The following PCDHGB7 variants were observed in gnomAD, a reference collection of about 807,000 sequenced individuals.
PCDHGB7 encodes protocadherin gamma subfamily B, 7.
In PCDHGB7, 37 loss-of-function variants were observed where a neutral mutation model predicts 61.4. The observed-to-expected ratio is 0.60, with a 90% CI of 0.46 to 0.79. The LOEUF (loss-of-function observed/expected upper bound fraction) is 0.79. Ranked by LOEUF, PCDHGB7 falls within the 30% of genes least tolerant of loss-of-function variation. The probability of loss-of-function intolerance (pLI) is 0.00; values close to 1 mark genes in which losing one functional copy is unlikely to be tolerated. For synonymous variants in PCDHGB7, 464 were observed against 503.5 expected, an observed-to-expected ratio of 0.92 and a Z score of 1.05; for missense variants, 1,166 against 1,202.5, an observed-to-expected ratio of 0.97 and a Z score of 0.45.
chr5:141,486,416 C>T lies in PCDHGB7; in HGVS notation c.2416-8391C>T, dbSNP rs2154580601. The T allele has an allele frequency of 6.2e-7, 1 of 1,614,152 alleles. No individual in the cohort carries two copies. The highest frequency in any genetic ancestry group is 8.5e-7 in the Non-Finnish European group (1 of 1,180,016). On this transcript the variant is annotated intron_variant, in intron 1 of 3. Coordinates refer to ENST00000398594, the MANE Select transcript of PCDHGB7 (RefSeq NM_018927.4). This position sits in a 1 kb window ranked among gnomAD's most constrained non-coding sequence, Gnocchi z 5.0. ...CCTGGTGACTGCTGGACCCTTGGAT[C>T]GAGAGGCCAAATCTAGCTATGACAT...
rs11952292 is a variant in PCDHGB7 at position 141,491,682 on chromosome 5, G to T, written c.2416-3125G>T. The T allele has an allele frequency of 0.072, 115,891 of 1,613,112 alleles. 4,572 individuals carry two copies. The highest frequency in any genetic ancestry group is 0.11 in the South Asian group (9,996 of 91,042). ...ACGCCATCCGGTCCCGCTCTAATAC[G>T]CTGCGGGAGCGGAGCCAGGTGAGGG... On this transcript the variant is annotated intron_variant, in intron 1 of 3. Coordinates refer to ENST00000398594, the MANE Select transcript of PCDHGB7 (RefSeq NM_018927.4). The surrounding 1 kb of genome is among the most constrained non-coding windows in gnomAD (Gnocchi z 6.9).
chr5:141,463,125 G>A (rs2099053159), intron 1 of PCDHGB7, among the ~76,000 whole-genome samples: 3 of 152,192 alleles, frequency 2.0e-5, no homozygotes, highest in East Asian at 1.9e-4. Context: ...ATAGCTCCCT[G>A]GCAGTTCTTC....
chr5:141,426,465 T>C, intron 1 of PCDHGB7: 1 of 315,366 alleles, frequency 3.2e-6, no homozygotes, highest in African/African-American at 2.2e-5. Context: ...ATGTTCAGGA[T>C]TTATTGACCT....
At chr5:141,438,720 G>A (rs1393152221) in intron 1 of PCDHGB7, among the ~76,000 whole-genome samples, 1 of 147,892 alleles carries the variant, frequency 6.8e-6, no homozygotes, top group Non-Finnish European at 1.5e-5. Flanking sequence ...GAGTGCAAGT[G>A]GTGTGATCTC....
chr5:141,511,632 G>A lies in PCDHGB7; in HGVS notation c.*459G>A, dbSNP rs1388627906. The A allele has an allele frequency of 8.6e-6, 2 of 231,934 alleles. No homozygotes were observed. The highest frequency in any genetic ancestry group is 5.1e-5 in the Admixed American group (1 of 19,634). 14.4% of individuals were successfully genotyped at this position (231,934 alleles called of 1,614,324 possible). A position where few individuals can be genotyped will look rare whatever the true frequency, so the allele number is the denominator to read the frequency against. On this transcript the variant is annotated 3_prime_UTR_variant, in exon 4 of 4. Transcript: ENST00000398594. ...CCTCCTAGTTCTGAAAAGTTGGAAG[G>A]GCATCATGACCTCTTGGCCTCTCCT...
chr5:141,481,317 C>T (rs2099535550), intron 1 of PCDHGB7, among the ~76,000 whole-genome samples: 1 of 152,182 alleles, frequency 6.6e-6, no homozygotes, highest in African/African-American at 2.4e-5. Context: ...CTTCCTAAAG[C>T]ACTAGCCCCT....
At chr5:141,468,853 G>C (rs893773356) in intron 1 of PCDHGB7, among the ~76,000 whole-genome samples, 5 of 150,898 alleles carry the variant, frequency 3.3e-5, no homozygotes, top group Non-Finnish European at 7.4e-5. Flanking sequence ...GCAACAGAGC[G>C]AGACTCCATC....
intron 3 of PCDHGB7, among the ~76,000 whole-genome samples, chr5:141,509,732 C>T (rs931066969): frequency 3.9e-5 from 6 of 152,182 alleles, no homozygotes; most frequent in Non-Finnish European, 5.9e-5. Flanking sequence ...CTAGCTGTGG[C>T]ACTCTGAGCC....
rs1185938270 is a variant in PCDHGB7 at position 141,419,357 on chromosome 5, AC to A, written c.1499del (p.Thr500SerfsTer8). ...CATTGCCAGCGACCTGGAGTCACGA[AC>A]GCTGTCGTCCTACGTGTCCGTGAGC... ...SLIASDLESR[T>X]LSSYVSVSAQ... On this transcript the variant is annotated frameshift_variant, in exon 1 of 4. Coordinates refer to ENST00000398594, the MANE Select transcript of PCDHGB7 (RefSeq NM_018927.4). LOFTEE classifies it high-confidence loss of function. 6 of 1,613,814 alleles carry A rather than the reference AC, an allele frequency of 3.7e-6. No homozygotes were observed. Among genetic ancestry groups the A allele is most frequent in the Non-Finnish European group, 4.2e-6 (5 of 1,179,894 alleles).
chr5:141,466,148 G>A (rs1201643685), intron 1 of PCDHGB7, among the ~76,000 whole-genome samples: 1 of 151,814 alleles, frequency 6.6e-6, no homozygotes, highest in Non-Finnish European at 1.5e-5. Flanking sequence ...GAAAACTCTG[G>A]TCTTAAACTG....
intron 1 of PCDHGB7, among the ~76,000 whole-genome samples, chr5:141,466,863 C>A (rs1409042461): frequency 1.3e-5 from 2 of 152,070 alleles, no homozygotes; most frequent in African/African-American, 4.8e-5. Context: ...ATTTTGAAAT[C>A]CACACATTTT....
At chr5:141,454,316 A>G (rs887472165) in intron 1 of PCDHGB7, among the ~76,000 whole-genome samples, 4 of 152,188 alleles carry the variant, frequency 2.6e-5, no homozygotes, top group Non-Finnish European at 4.4e-5. Context: ...AAGCATTGAA[A>G]CCTCCAAGAA....
At chr5:141,447,313 T>C (rs2098534296) in intron 1 of PCDHGB7, among the ~76,000 whole-genome samples, 1 of 152,146 alleles carries the variant, frequency 6.6e-6, no homozygotes, top group African/African-American at 2.4e-5. Context: ...CTAATTTTTG[T>C]ATTTTTAGTA....
At chr5:141,427,969 A>G (rs1239461810) in intron 1 of PCDHGB7, 1 of 1,591,942 alleles carries the variant, frequency 6.3e-7, no homozygotes, top group Admixed American at 1.7e-5. Context: ...CGGGTGCTGT[A>G]CCCCGCGCTG....
In PCDHGB7 at chr5:141,459,764, A is replaced by G. The variant is rs980972909; in HGVS notation, c.2416-35043A>G. On this transcript the variant is annotated intron_variant, in intron 1 of 3. Transcript: ENST00000398594. ...TTTTAGCAATTCTAGTGGGTGTGTG[A>G]TACTATCTCATTGAAGTTTCAACTG... Among the ~76,000 whole-genome samples, 56 of 152,208 alleles carry G rather than the reference A, an allele frequency of 3.7e-4. 1 individual carries two copies. Among genetic ancestry groups the G allele is most frequent in the Admixed American group, 6.5e-5 (1 of 15,274 alleles).
intron 1 of PCDHGB7, among the ~76,000 whole-genome samples, chr5:141,481,259 C>T (rs1176419744): frequency 1.3e-5 from 2 of 152,146 alleles, no homozygotes; most frequent in African/African-American, 4.8e-5. Context: ...TCTAAAAGAT[C>T]ACTGTAGGAA....
At chr5:141,488,259 C>T (rs1594750656) in intron 1 of PCDHGB7, among the ~76,000 whole-genome samples, 1 of 152,144 alleles carries the variant, frequency 6.6e-6, no homozygotes, top group African/African-American at 2.4e-5. Context: ...AAGGTTGGGG[C>T]GGGTTGGTCA....
At position 141,431,213 on chromosome 5, in the gene PCDHGB7, T is replaced by A; in HGVS notation, c.2415+10939T>A. 6.2e-7 allele frequency: 1 copy of A among 1,614,142 alleles called. No individual in the cohort carries two copies. The highest frequency in any genetic ancestry group is 8.5e-7 in the Non-Finnish European group (1 of 1,180,038). On this transcript the variant is annotated intron_variant, in intron 1 of 3. Coordinates refer to ENST00000398594, the MANE Select transcript of PCDHGB7 (RefSeq NM_018927.4). The surrounding 1 kb of genome is among the most constrained non-coding windows in gnomAD (Gnocchi z 4.8). ...TGAAAATGCAGCCACTGAGATGCGG[T>A]TCCCTCTACCCCACGCCTGGGATCC...
At position 141,489,437 on chromosome 5, in the gene PCDHGB7, T is replaced by C; in HGVS notation, c.2416-5370T>C. The C allele has an allele frequency of 6.2e-7, 1 of 1,614,110 alleles. No individual in the cohort carries two copies. Among genetic ancestry groups the C allele is most frequent in the Non-Finnish European group, 8.5e-7 (1 of 1,180,020 alleles). ...GATCTGTTGAGCCGGCGGCTGCAATTGGGCTCTGAGGAGAATGGGCGCTAT... is the reference window on the plus strand; with the variant it reads ...GATCTGTTGAGCCGGCGGCTGCAATCGGGCTCTGAGGAGAATGGGCGCTAT... On this transcript the variant is annotated intron_variant, in intron 1 of 3. Transcript: ENST00000398594. This position sits in a 1 kb window ranked among gnomAD's most constrained non-coding sequence, Gnocchi z 4.5.
Sources: gnomAD v4.1 joint callset for allele counts (sites outside exome capture counted in the v4.1 genomes callset) on GRCh38, gnomAD v4.1.1 for gene constraint, Gnocchi (gnomAD v3.1) non-coding constraint, MANE v1.5 for transcripts, NCBI Gene and HGNC (gene_info 2026-07-23, HGNC 2026-07-21) for gene names.